PARVG: variants seen among roughly 807,000 people sequenced by gnomAD.
The protein encoded by PARVG is parvin gamma.
In PARVG, 36 loss-of-function variants were observed where a neutral mutation model predicts 44.4. That is an observed-to-expected ratio of 0.81 (90% CI 0.62 to 1.07). The LOEUF (loss-of-function observed/expected upper bound fraction) is 1.07, where lower values mean the gene tolerates loss of function less well. PARVG is among the 50% of genes least tolerant of loss of function. The pLI, the probability that PARVG is intolerant of heterozygous loss-of-function variation, is 0.00. For missense variants in PARVG, 407 were observed against 407.4 expected (o/e 1.00, Z 0.01); for synonymous variants, 170 against 174.1 (o/e 0.98, Z 0.19).
At chr22:44,205,967 G>T (rs1465064158) in intron 13 of PARVG, 138 bp downstream of exon 13, 3 of 1,080,594 alleles carry the variant, frequency 2.8e-6, no homozygotes, top group Non-Finnish European at 4.0e-6. Flanking sequence ...GTGGAGAATG[G>T]GCGCTTGCCA....
intron 7 of PARVG, among the ~76,000 whole-genome samples, chr22:44,191,124 G>A (rs1232314203): frequency 6.6e-6 from 1 of 152,162 alleles, no homozygotes. Context: ...GAACCTTGCC[G>A]GGTTTCCCCA....
At chr22:44,193,890 A>T in intron 9 of PARVG, 67 bp downstream of exon 9, 4 of 1,575,146 alleles carry the variant, frequency 2.5e-6, no homozygotes, top group Non-Finnish European at 3.5e-6. Flanking sequence ...ACAAGTCTTA[A>T]TGCAGGGTTA....
chr22:44,196,441 A>C, intron 11 of PARVG, 26 bp downstream of exon 11: 2 of 1,613,326 alleles, frequency 1.2e-6, no homozygotes, highest in African/African-American at 1.3e-5. Flanking sequence ...CGGCGTCCCC[A>C]GGCAGGGCAG....
At position 44,187,961 on chromosome 22, in the gene PARVG, T is replaced by C; in HGVS notation, c.247+83T>C. 8 of 1,356,830 alleles carry C rather than the reference T, an allele frequency of 5.9e-6. No individual in the cohort carries two copies. In the South Asian group the frequency reaches 9.5e-5, roughly 16 times the overall value. The allele number at this position is 1,356,830 out of a possible 1,614,324, so 84.0% of individuals were successfully genotyped here. On this transcript the variant is annotated intron_variant, in intron 5 of 13. Coordinates refer to ENST00000444313, the MANE Select transcript of PARVG (RefSeq NM_022141.7). Reference sequence around the variant, plus strand: ...CTCCAGGGCCCACAGGTAGGCTCTCTCCTTCAGTCCCCACAATGGTCCCGG... The same window carrying C: ...CTCCAGGGCCCACAGGTAGGCTCTCCCCTTCAGTCCCCACAATGGTCCCGG...
chr22:44,176,324 G>T (rs2054318581), upstream of PARVG, among the ~76,000 whole-genome samples: 1 of 152,202 alleles, frequency 6.6e-6, no homozygotes, highest in Non-Finnish European at 1.5e-5. Context: ...CAATGTAAAT[G>T]CTATGTAAAT....
intron 8 of PARVG, among the ~76,000 whole-genome samples, chr22:44,193,105 G>C (rs559790521): frequency 1.8e-4 from 27 of 152,284 alleles, no homozygotes; most frequent in African/African-American, 6.5e-4. Flanking sequence ...AGGCTGCTGG[G>C]CTCTGCCCCG....
rs890533716 is a variant in PARVG at position 44,182,871 on chromosome 22, C to A, written c.-12-447C>A. ...TGGGATGGGAGATGTCACCATTCCA[C>A]GTATCCACCTCAGCCAGCCCCACAC... On this transcript the variant is annotated intron_variant, in intron 2 of 13. Transcript: ENST00000444313. This position sits in a 1 kb window ranked among gnomAD's most constrained non-coding sequence, Gnocchi z 4.6. Among the ~76,000 whole-genome samples, 1 of 152,182 alleles carries A rather than the reference C, an allele frequency of 6.6e-6. No individual in the cohort carries two copies. Among genetic ancestry groups the A allele is most frequent in the African/African-American group, 2.4e-5 (1 of 41,430 alleles).
chr22:44,202,688 G>C (rs1345807132), intron 12 of PARVG, among the ~76,000 whole-genome samples: 1 of 152,264 alleles, frequency 6.6e-6, no homozygotes, highest in Non-Finnish European at 1.5e-5. Flanking sequence ...CAGCTGAGGA[G>C]GGCGGGAACA....
upstream of PARVG, among the ~76,000 whole-genome samples, chr22:44,178,247 T>C (rs2054337356): frequency 6.6e-6 from 1 of 152,176 alleles, no homozygotes; most frequent in Non-Finnish European, 1.5e-5. Context: ...TGAAACTATA[T>C]AAAAGTAAAA....
intron 11 of PARVG, among the ~76,000 whole-genome samples, chr22:44,197,237 G>A (rs1385285513): frequency 6.6e-6 from 1 of 152,124 alleles, no homozygotes; most frequent in African/African-American, 2.4e-5. Flanking sequence ...GGCTGGGGAG[G>A]GAGGGGTTAA....
At chr22:44,179,806 A>G (rs2054353128), upstream of PARVG, among the ~76,000 whole-genome samples, 1 of 142,774 alleles carries the variant, frequency 7.0e-6, no homozygotes, top group African/African-American at 2.6e-5. This position sits in a 1 kb window ranked among gnomAD's most constrained non-coding sequence, Gnocchi z 4.2. Flanking sequence ...TTTGGAGGAG[A>G]AAGGAATCTA....
intron 9 of PARVG, 66 bp downstream of exon 9, chr22:44,193,889 A>G: frequency 1.3e-6 from 2 of 1,577,078 alleles, no homozygotes; most frequent in Admixed American, 1.7e-5. Context: ...GACAAGTCTT[A>G]ATGCAGGGTT....
Position 44,185,730 on chromosome 22 carries a change from CTG to C in PARVG, c.80-75_80-74del, listed in dbSNP as rs2054455490. 3 of 1,310,864 alleles carry C rather than the reference CTG, an allele frequency of 2.3e-6. No homozygotes were observed. The South Asian group carries it at 3.7e-5, about 16-fold the overall frequency. The allele number at this position is 1,310,864 out of a possible 1,614,324, so 81.2% of individuals were successfully genotyped here. A position where few individuals can be genotyped will look rare whatever the true frequency, so the allele number is the denominator to read the frequency against. On this transcript the variant is annotated intron_variant, in intron 3 of 13. Coordinates refer to ENST00000444313, the MANE Select transcript of PARVG (RefSeq NM_022141.7). ...GCCCCTGGGTCTGCGGTGCTGAAAT[CTG>C]TGGGTGACCTGCAGGGAGTGTGGCC...
intron 7 of PARVG, among the ~76,000 whole-genome samples, chr22:44,191,440 C>G (rs915984858): frequency 8.7e-6 from 1 of 115,392 alleles, no homozygotes; most frequent in Admixed American, 1.3e-4. Flanking sequence ...CTCTATTGCT[C>G]AGGCTGGAAT....
At position 44,190,661 on chromosome 22, in the gene PARVG, A is replaced by C; in HGVS notation, c.499A>C (p.Ile167Leu). ...CAACGTCCAGGTGGAGGTCATCACTATCGAGGTAGCAGCCTGGGCCCCAGG... is the reference window on the plus strand; with the variant it reads ...CAACGTCCAGGTGGAGGTCATCACTCTCGAGGTAGCAGCCTGGGCCCCAGG... Reference protein sequence around the residue: ...PTNVQVEVITIESTKSGLKSE... With the variant: ...PTNVQVEVITLESTKSGLKSE... The change falls in exon 7 of 14, where the codon ATC becomes CTC. Residue 167 changes from isoleucine to leucine, a missense_variant. By Grantham distance (5) the Ile-to-Leu change is conservative. Coordinates refer to ENST00000444313, the MANE Select transcript of PARVG (RefSeq NM_022141.7). 6.2e-7 allele frequency: 1 copy of C among 1,609,624 alleles called. No homozygotes were observed. The highest frequency in any genetic ancestry group is 8.5e-7 in the Non-Finnish European group (1 of 1,175,868).
intron 3 of PARVG, chr22:44,185,469 C>T: frequency 4.1e-6 from 1 of 245,726 alleles, no homozygotes; most frequent in Non-Finnish European, 8.2e-6. Flanking sequence ...CCCCTTAGAG[C>T]CTGGTGAGCC....
Position 44,189,229 on chromosome 22 carries a change from G to A in PARVG, c.363G>A (p.Glu121=), listed in dbSNP as rs1255922660. ...TGAACCGGAGTCTGCAGCTGGAGGA[G>A]TGGCAGGCCAAGTGGAGCGTGGAGA... is the stretch of plus-strand genomic sequence containing the variant. ...EAVNRSLQLE[E]WQAKWSVESI... Residue 121 remains glutamate, a synonymous_variant, in exon 6 of 14, where the codon GAG becomes GAA. Transcript: ENST00000444313. The A allele has an allele frequency of 4.3e-6, 7 of 1,614,056 alleles. No homozygotes were observed. The highest frequency in any genetic ancestry group is 1.7e-5 in the Admixed American group (1 of 60,010).
At position 44,182,558 on chromosome 22, in the gene PARVG, T is replaced by C. The variant is rs2147217690; in HGVS notation, c.-13+641T>C. ...CCACAGCTCAGGGGGCTCCCTGCTC[T>C]GGCCACCAACTTCTGCCATGTGACT... On this transcript the variant is annotated intron_variant, in intron 2 of 13. Transcript: ENST00000444313. The surrounding 1 kb of genome is among the most constrained non-coding windows in gnomAD (Gnocchi z 4.6). Among the ~76,000 whole-genome samples the C allele has an allele frequency of 6.6e-6, 1 of 152,320 alleles. No individual in the cohort carries two copies. The highest frequency in any genetic ancestry group is 2.1e-4 in the South Asian group (1 of 4,826).
chr22:44,202,049 G>A (rs139163), intron 12 of PARVG, among the ~76,000 whole-genome samples: 43,028 of 152,264 alleles, frequency 0.28, 7,275 homozygotes, highest in Non-Finnish European at 0.39. Flanking sequence ...CCCACGGGCA[G>A]TGTGGACGAA....
Sources: gnomAD v4.1 joint callset for allele counts (sites outside exome capture counted in the v4.1 genomes callset) on GRCh38, gnomAD v4.1.1 for gene constraint, Gnocchi (gnomAD v3.1) non-coding constraint, MANE v1.5 for transcripts, NCBI Gene and HGNC (gene_info 2026-07-23, HGNC 2026-07-21) for gene names.